DNAH5: variants seen among roughly 807,000 people sequenced by gnomAD.
DNAH5 encodes dynein axonemal heavy chain 5.
DNAH5 carries 372 observed loss-of-function variants against 518.2 expected under a neutral mutation model. That is an observed-to-expected ratio of 0.72 (90% CI 0.66 to 0.78). DNAH5 has a LOEUF of 0.78. Ranked by LOEUF, DNAH5 falls within the 30% of genes least tolerant of loss-of-function variation. DNAH5 has a pLI of 0.00. For missense variants in DNAH5, 5,523 were observed against 5,687.0 expected, an observed-to-expected ratio of 0.97 and a Z score of 0.93; for synonymous variants, 2,039 against 2,025.9, an observed-to-expected ratio of 1.01 and a Z score of -0.17.
At chr5:13,986,482 T>A (rs16902991) in intron 1 of DNAH5, among the ~76,000 whole-genome samples, 3,272 of 152,302 alleles carry the variant, frequency 0.021, 117 homozygotes, top group African/African-American at 0.075. Context: ...CTAGAACCTG[T>A]CTCTTTGATG....
At chr5:13,904,866 G>A (rs546181487) in intron 12 of DNAH5, among the ~76,000 whole-genome samples, 4 of 151,908 alleles carry the variant, frequency 2.6e-5, no homozygotes, top group Admixed American at 6.6e-5. Context: ...AGCCAAGATC[G>A]CACCACTGCA....
intron 1 of DNAH5, among the ~76,000 whole-genome samples, chr5:14,005,526 C>T (rs945431126): frequency 2.0e-5 from 3 of 152,224 alleles, no homozygotes; most frequent in Non-Finnish European, 4.4e-5. Flanking sequence ...ACCACTTCAG[C>T]TCCTTGAGGG....
chr5:13,701,401 A>G lies in DNAH5; in HGVS notation c.13374T>C (p.Phe4458=), dbSNP rs1419188743. The change falls in exon 77 of 79, where the codon TTT becomes TTC. Residue 4458 remains phenylalanine (F), a synonymous_variant. Transcript: ENST00000265104. ...SWISSTLGFW[F]TELIERNSQF... ...GGCTGTTTCTTTCTATAAGTTCAGT[A>G]AACCAGAAACCCAGTGTACTAGAAA... The G allele has an allele frequency of 6.2e-7, 1 of 1,613,790 alleles. No homozygotes were observed.
chr5:13,727,713 A>G, intron 69 of DNAH5, 57 bp from the exon 70 acceptor site: 1 of 1,594,024 alleles, frequency 6.3e-7, no homozygotes, highest in Middle Eastern at 1.7e-4. Flanking sequence ...TTTCAGTAAC[A>G]GGTCATAGAT....
chr5:13,780,780 A>C, intron 53 of DNAH5, 49 bp downstream of exon 53: 1 of 1,608,822 alleles, frequency 6.2e-7, no homozygotes, highest in East Asian at 2.2e-5. Flanking sequence ...GCCTCTGAGC[A>C]CCTTTTATCA....
At chr5:13,784,738 G>A (rs1755708590) in intron 52 of DNAH5, among the ~76,000 whole-genome samples, 1 of 152,204 alleles carries the variant, frequency 6.6e-6, no homozygotes, top group Non-Finnish European at 1.5e-5. Flanking sequence ...CTAAAAGGAT[G>A]TAGTCCGGAA....
chr5:13,826,913 A>C (rs1762960097), intron 38 of DNAH5, among the ~76,000 whole-genome samples: 1 of 152,226 alleles, frequency 6.6e-6, no homozygotes, highest in Non-Finnish European at 1.5e-5. Flanking sequence ...ACAAGAAGAC[A>C]TGAAAACGTT....
intron 24 of DNAH5, 115 bp downstream of exon 24, chr5:13,870,652 A>T: frequency 2.0e-6 from 2 of 975,960 alleles, no homozygotes; most frequent in South Asian, 2.8e-5. Flanking sequence ...TATTGAAATT[A>T]TTGTCTTGGT....
At chr5:13,738,666 G>T (rs7710700) in intron 65 of DNAH5, among the ~76,000 whole-genome samples, 52,778 of 151,676 alleles carry the variant, frequency 0.35, 9,460 homozygotes, top group South Asian at 0.48. Context: ...TGGTGGCAGG[G>T]GTGGGAGAAG....
intron 14 of DNAH5, 145 bp downstream of exon 14, chr5:13,901,107 A>G: frequency 1.2e-6 from 1 of 805,836 alleles, no homozygotes; most frequent in Non-Finnish European, 2.0e-6. Flanking sequence ...TTGTGGACAT[A>G]TTACACTCTG....
In DNAH5 at chr5:13,901,426, C is replaced by G. The variant is rs1167057927; in HGVS notation, c.1878G>C (p.Lys626Asn). ...LARNQPPIAG[K>N]ILWARQLFHR... ...GGAAGAGCTGGCGGGCCCACAAAAT[C>G]TTTCCAGCGATGGGAGGCTGGTTTC... is the stretch of plus-strand genomic sequence containing the variant. Residue 626 changes from lysine (K) to asparagine (N), a missense_variant, in exon 14 of 79, where the codon AAG becomes AAC. Coordinates refer to ENST00000265104, the MANE Select transcript of DNAH5 (RefSeq NM_001369.3). The G allele has an allele frequency of 1.9e-6, 3 of 1,613,984 alleles. No homozygotes were observed. The highest frequency in any genetic ancestry group is 2.5e-6 in the Non-Finnish European group (3 of 1,180,014).
intron 66 of DNAH5, among the ~76,000 whole-genome samples, chr5:13,736,417 G>C (rs751692744): frequency 3.3e-5 from 5 of 151,780 alleles, no homozygotes; most frequent in African/African-American, 1.2e-4. Context: ...TTGTTGATAC[G>C]GAGTTTTGCT....
Position 13,731,256 on chromosome 5 carries a change from G to T in DNAH5, c.11762-1696C>A, listed in dbSNP as rs530913592. ...TTAGCTCGTAAAATGAAAACAGATT[G>T]TTTTAACACCAGTGAGCAAAGACCT... On this transcript the variant is annotated intron_variant, in intron 68 of 78. Coordinates refer to ENST00000265104, the MANE Select transcript of DNAH5 (RefSeq NM_001369.3). Among the ~76,000 whole-genome samples the T allele has an allele frequency of 1.3e-3, 196 of 152,290 alleles. 2 individuals carry two copies. The highest frequency in any genetic ancestry group is 4.4e-3 in the African/African-American group (183 of 41,568).
chr5:13,814,732 G>A lies in DNAH5; in HGVS notation c.7103C>T (p.Pro2368Leu). ...AATGATCTTGCAGTTTGGAGCCATG[G>A]GAATCCGATCACCATTGGCAAGGGT... ...TLTLANGDRI[P>L]MAPNCKIIFE... Residue 2368 changes from proline to leucine, a missense_variant, in exon 43 of 79, where the codon CCC (proline) becomes CTC (leucine). This residue lies in a region of DNAH5 where 5,121 missense variants were observed against 5,223.3 expected (regional missense o/e 0.98). Coordinates refer to ENST00000265104, the MANE Select transcript of DNAH5 (RefSeq NM_001369.3). The A allele has an allele frequency of 3.7e-6, 6 of 1,614,030 alleles. No individual in the cohort carries two copies. The highest frequency in any genetic ancestry group is 5.1e-6 in the Non-Finnish European group (6 of 1,179,994).
chr5:14,001,957 G>A (rs760589243), intron 1 of DNAH5, among the ~76,000 whole-genome samples: 3 of 151,798 alleles, frequency 2.0e-5, no homozygotes, highest in Non-Finnish European at 4.4e-5. Flanking sequence ...GGAGTGCAGT[G>A]GTACAATCTC....
At chr5:13,699,848 C>T (rs904696604) in intron 78 of DNAH5, among the ~76,000 whole-genome samples, 1 of 152,176 alleles carries the variant, frequency 6.6e-6, no homozygotes, top group African/African-American at 2.4e-5. Flanking sequence ...ATGGTTTATG[C>T]TTCTAAGACG....
chr5:13,995,116 T>C (rs1783844186), intron 1 of DNAH5, among the ~76,000 whole-genome samples: 1 of 152,136 alleles, frequency 6.6e-6, no homozygotes, highest in African/African-American at 2.4e-5. Flanking sequence ...TGAGTCAGTT[T>C]TCGTTTCTCA....
Position 13,894,641 on chromosome 5 carries a change from C to A in DNAH5, c.2431+9G>T, listed in dbSNP as rs1773679921. On this transcript the variant is annotated intron_variant, in intron 16 of 78. Transcript: ENST00000265104. The stretch of plus-strand genomic sequence containing the variant: ...AATTCAGAAATACTAATTATTCAGG[C>A]AGACTTACTGATCTTTGCAAAAGTG... 2 of 1,613,650 alleles carry A rather than the reference C, an allele frequency of 1.2e-6. No homozygotes were observed. The highest frequency in any genetic ancestry group is 1.7e-6 in the Non-Finnish European group (2 of 1,179,706).
intron 8 of DNAH5, 84 bp downstream of exon 8, chr5:13,917,059 T>C: frequency 1.9e-6 from 2 of 1,078,642 alleles, no homozygotes; most frequent in Non-Finnish European, 2.8e-6. Context: ...AACTGTAATA[T>C]TGATGAAACA....
Sources: allele counts gnomAD v4.1 joint callset (sites outside exome capture counted in the v4.1 genomes callset), GRCh38; gene constraint gnomAD v4.1.1; regional missense constraint gnomAD v4.1.1; transcripts MANE v1.5; gene names NCBI Gene and HGNC (gene_info 2026-07-23, HGNC 2026-07-21).